The following ASCC3 variants were observed in gnomAD, a reference collection of about 807,000 sequenced individuals.
The protein encoded by ASCC3 is activating signal cointegrator 1 complex subunit 3, also known as ASC-1 complex subunit P200.
ASCC3 carries 158 observed loss-of-function variants against 256.3 expected under a neutral mutation model. The ratio of observed to expected loss-of-function variants is 0.62; its 90% CI spans 0.54 to 0.70. The LOEUF (loss-of-function observed/expected upper bound fraction) is 0.70, where lower values mean the gene tolerates loss of function less well. Ranked by LOEUF, ASCC3 falls within the 30% of genes least tolerant of loss-of-function variation. The probability of loss-of-function intolerance (pLI) is 0.00; values close to 1 mark genes in which losing one functional copy is unlikely to be tolerated. For missense variants in ASCC3, 2,259 were observed against 2,626.0 expected, an observed-to-expected ratio of 0.86 and a Z score of 3.05; for synonymous variants, 948 against 883.4, an observed-to-expected ratio of 1.07 and a Z score of -1.30.
chr6:100,634,853 T>A, intron 25 of ASCC3, among the ~76,000 whole-genome samples: 1 of 114,780 alleles, frequency 8.7e-6, no homozygotes, highest in South Asian at 2.8e-4. Context: ...AGACCCCATC[T>A]CCTCAAAAAA....
chr6:100,637,048 TACA>T (rs1774878551), intron 25 of ASCC3, among the ~76,000 whole-genome samples: 4 of 152,196 alleles, frequency 2.6e-5, no homozygotes, highest in Non-Finnish European at 4.4e-5. Context: ...TTTTAATGTA[TACA>T]AAATAGCCTA....
At chr6:100,600,596 T>G (rs1378429036) in intron 34 of ASCC3, among the ~76,000 whole-genome samples, 1 of 152,132 alleles carries the variant, frequency 6.6e-6, no homozygotes, top group Non-Finnish European at 1.5e-5. Flanking sequence ...GAAAAGAAAC[T>G]TCTTAAGGTG....
chr6:100,766,475 C>G, intron 10 of ASCC3, 90 bp downstream of exon 10: 1 of 1,274,096 alleles, frequency 7.8e-7, no homozygotes, highest in Non-Finnish European at 1.1e-6. Context: ...ATTATGTATT[C>G]TAGTTATTTA....
intron 4 of ASCC3, among the ~76,000 whole-genome samples, chr6:100,818,748 CAAAAAA>C (rs56668191): frequency 0.036 from 2,126 of 58,272 alleles, 35 homozygotes; most frequent in African/African-American, 0.14. Context: ...AGGCAAAAGC[CAAAAAA>C]AAAAAAAAAA....
intron 36 of ASCC3, among the ~76,000 whole-genome samples, chr6:100,556,181 T>C (rs1010519420): frequency 1.3e-5 from 2 of 152,176 alleles, no homozygotes; most frequent in Non-Finnish European, 2.9e-5. Context: ...GATTAAGGCA[T>C]AGCATTAAAA....
At chr6:100,531,048 T>G (rs528455041) in intron 37 of ASCC3, 3 of 1,565,470 alleles carry the variant, frequency 1.9e-6, no homozygotes, top group Admixed American at 1.7e-5. Flanking sequence ...AGTACAACAG[T>G]GTAGCACTAA....
intron 1 of ASCC3, among the ~76,000 whole-genome samples, chr6:100,871,720 C>T (rs1490736953): frequency 5.9e-5 from 9 of 152,164 alleles, no homozygotes; most frequent in African/African-American, 2.2e-4. Context: ...AAGCCATGAT[C>T]ATGCCACTGC....
intron 13 of ASCC3, among the ~76,000 whole-genome samples, chr6:100,712,751 CTTTTTTTTTTTTTTTT>C (rs58286754): frequency 2.9e-5 from 2 of 69,740 alleles, no homozygotes; most frequent in East Asian, 4.0e-4. Flanking sequence ...CAATTATACT[CTTTTTTTTTTTTTTTT>C]TTTTTTTTGA....
intron 37 of ASCC3, among the ~76,000 whole-genome samples, chr6:100,521,028 G>C (rs925591407): frequency 7.2e-5 from 11 of 152,026 alleles, no homozygotes; most frequent in Non-Finnish European, 1.5e-4. Flanking sequence ...CCAGCACAGT[G>C]CACTCAAGAA....
intron 12 of ASCC3, 56 bp from the exon 13 acceptor site, chr6:100,715,589 C>A: frequency 1.3e-6 from 2 of 1,501,352 alleles, no homozygotes; most frequent in Non-Finnish European, 1.8e-6. Flanking sequence ...AACTTTCTAA[C>A]TACAAATAAA....
chr6:100,728,664 C>T (rs1271904795), intron 10 of ASCC3, among the ~76,000 whole-genome samples: 1 of 151,800 alleles, frequency 6.6e-6, no homozygotes, highest in Non-Finnish European at 1.5e-5. Flanking sequence ...AAAATACATG[C>T]TATACAATAA....
intron 13 of ASCC3, among the ~76,000 whole-genome samples, chr6:100,682,171 A>G (rs73502938): frequency 7.2e-5 from 11 of 152,210 alleles, no homozygotes; most frequent in African/African-American, 2.2e-4. Context: ...ATTAACCCCC[A>G]AATTAAATTG....
chr6:100,875,838 C>T (rs1331804714), intron 1 of ASCC3, among the ~76,000 whole-genome samples: 1 of 150,868 alleles, frequency 6.6e-6, no homozygotes, highest in African/African-American at 2.4e-5. Context: ...GAAGGATAAA[C>T]GCAAAGGGAG....
intron 25 of ASCC3, among the ~76,000 whole-genome samples, chr6:100,637,243 A>G (rs1247213000): frequency 6.6e-6 from 1 of 152,174 alleles, no homozygotes; most frequent in Non-Finnish European, 1.5e-5. Flanking sequence ...GAATTATGCT[A>G]AATCACCTCT....
At chr6:100,687,510 C>T (rs1161209988) in intron 13 of ASCC3, among the ~76,000 whole-genome samples, 1 of 151,878 alleles carries the variant, frequency 6.6e-6, no homozygotes, top group East Asian at 1.9e-4. Flanking sequence ...TACAGGTGCG[C>T]ACCACCATGC....
intron 3 of ASCC3, among the ~76,000 whole-genome samples, chr6:100,851,062 A>T (rs1772642095): frequency 6.6e-6 from 1 of 152,140 alleles, no homozygotes; most frequent in Non-Finnish European, 1.5e-5. Context: ...AAACTTTCAC[A>T]TAATTATCTC....
chr6:100,577,758 A>T (rs563891820), intron 36 of ASCC3, among the ~76,000 whole-genome samples: 11 of 150,834 alleles, frequency 7.3e-5, no homozygotes, highest in South Asian at 2.1e-4. Flanking sequence ...ACACACACAC[A>T]CTCTCTCACA....
chr6:100,858,845 C>T, intron 3 of ASCC3: 1 of 531,828 alleles, frequency 1.9e-6, no homozygotes, highest in Admixed American at 4.0e-5. Flanking sequence ...TCTCCAACGG[C>T]CCCAAAAATA....
chr6:100,554,630 A>C (rs1343475702), intron 36 of ASCC3, among the ~76,000 whole-genome samples: 1 of 152,190 alleles, frequency 6.6e-6, no homozygotes, highest in Non-Finnish European at 1.5e-5. Flanking sequence ...AACCAAAATT[A>C]GTTTCTCACA....
Sources: gnomAD v4.1 joint callset for allele counts (sites outside exome capture counted in the v4.1 genomes callset) on GRCh38, gnomAD v4.1.1 for gene constraint, MANE v1.5 for transcripts, NCBI Gene and HGNC (gene_info 2026-07-23, HGNC 2026-07-21) for gene names.